DPP10: variants seen among roughly 807,000 people sequenced by gnomAD.
DPP10 encodes inactive dipeptidyl peptidase 10.
A neutral mutation model predicts 120.9 loss-of-function variants in DPP10; 33 were observed. The observed-to-expected ratio is 0.27, with a 90% CI of 0.21 to 0.37. DPP10 has a LOEUF of 0.37. DPP10 is among the 10% of genes least tolerant of loss of function. DPP10 has a pLI of 1.00. For missense variants in DPP10, 816 were observed against 942.8 expected (o/e 0.87, Z 1.76); for synonymous variants, 337 against 326.1 (o/e 1.03, Z -0.36).
chr2:114,476,643 G>A lies in DPP10; in HGVS notation c.60+33805G>A, dbSNP rs185728052. Among the ~76,000 whole-genome samples, 45 of 152,316 alleles carry A rather than the reference G, an allele frequency of 3.0e-4. 1 individual carries two copies. The highest frequency in any genetic ancestry group is 1.1e-3 in the African/African-American group (44 of 41,568). ...TCATTGAATCATATGCCACAGTCCT[G>A]GAAAGTTCAAACAGGAAATAGTGCG... On this transcript the variant is annotated intron_variant, in intron 1 of 25. Transcript: ENST00000410059.
intron 1 of DPP10, among the ~76,000 whole-genome samples, chr2:114,608,442 G>A (rs773910078): frequency 1.8e-4 from 28 of 152,150 alleles, no homozygotes; most frequent in South Asian, 6.2e-4. Flanking sequence ...TTTGCAGCTC[G>A]AGAAAGATGA....
intron 7 of DPP10, among the ~76,000 whole-genome samples, chr2:115,712,544 A>ATATATATATATATATATATATATGTATG (rs1553486154): frequency 1.1e-5 from 1 of 88,474 alleles, no homozygotes; most frequent in African/African-American, 4.4e-5. Flanking sequence ...CCTGAATTAA[A>ATATATATATATATATATATATATGTATG]TATATATATA....
chr2:114,869,896 C>T (rs1393344933), intron 1 of DPP10, among the ~76,000 whole-genome samples: 2 of 152,130 alleles, frequency 1.3e-5, no homozygotes, highest in Non-Finnish European at 2.9e-5. Context: ...GCTGTATGGA[C>T]TTGGGCAACT....
intron 3 of DPP10, among the ~76,000 whole-genome samples, chr2:115,420,037 TTA>T (rs2069795896): frequency 6.6e-6 from 1 of 152,284 alleles, no homozygotes; most frequent in African/African-American, 2.4e-5. Context: ...TTAATGCACT[TTA>T]TATAAAATGC....
In DPP10 at chr2:115,842,234, C is replaced by A. The variant is rs146932611; in HGVS notation, c.2280C>A (p.Asn760Lys). 2 of 1,612,992 alleles carry A rather than the reference C, an allele frequency of 1.2e-6. No individual in the cohort carries two copies. Among genetic ancestry groups the A allele is most frequent in the Non-Finnish European group, 1.7e-6 (2 of 1,179,186 alleles). The part of the protein sequence containing the change: ...TMQVYPDEGH[N>K]VSEKSKYHLY... The stretch of plus-strand genomic sequence containing the variant: ...AGGTCTACCCAGATGAAGGTCATAA[C>A]GTATCTGAGAAGAGCAAGTATCATC... Residue 760 changes from asparagine (N) to lysine (K), a missense_variant, in exon 26 of 26, where the codon AAC becomes AAA. Around this residue, in one of 3 missense-constraint regions of DPP10, gnomAD observed 592 missense variants for 649.0 expected, o/e 0.91. Transcript: ENST00000410059.
At chr2:115,740,135 C>T (rs1400138227) in intron 9 of DPP10, among the ~76,000 whole-genome samples, 4 of 151,896 alleles carry the variant, frequency 2.6e-5, no homozygotes, top group Non-Finnish European at 5.9e-5. Context: ...TTTTGATGCT[C>T]ACTTTTATTT....
intron 1 of DPP10, among the ~76,000 whole-genome samples, chr2:115,104,650 T>G (rs1262603043): frequency 6.6e-6 from 1 of 152,138 alleles, no homozygotes; most frequent in Non-Finnish European, 1.5e-5. Context: ...CAATATAACA[T>G]CAAAAGTACC....
In DPP10 at chr2:114,836,794, G is replaced by A. The variant is rs141913632; in HGVS notation, c.60+393956G>A. On this transcript the variant is annotated intron_variant, in intron 1 of 25. Transcript: ENST00000410059. Reference sequence around the variant, plus strand: ...CCCTACAGCTCCATAAAAGATGGCCGCACCCAAGGGGGCCAATTTAGAGAC... The same window carrying A: ...CCCTACAGCTCCATAAAAGATGGCCACACCCAAGGGGGCCAATTTAGAGAC... 6.2e-3 allele frequency among the ~76,000 whole-genome samples: 950 copies of A among 152,206 alleles called. 7 individuals are homozygous for A. The highest frequency in any genetic ancestry group is 0.021 in the African/African-American group (877 of 41,534).
intron 1 of DPP10, among the ~76,000 whole-genome samples, chr2:114,751,249 T>C (rs1368292387): frequency 6.6e-6 from 1 of 152,252 alleles, no homozygotes; most frequent in Non-Finnish European, 1.5e-5. Context: ...ATAATTTTAA[T>C]AAGTAATCAA....
At chr2:115,668,299 G>T (rs1207956086) in intron 5 of DPP10, among the ~76,000 whole-genome samples, 2 of 151,982 alleles carry the variant, frequency 1.3e-5, no homozygotes, top group Admixed American at 6.6e-5. Context: ...AGATGATTAG[G>T]TCACAAGGGC....
At chr2:115,327,833 AT>A (rs1323277640) in intron 2 of DPP10, among the ~76,000 whole-genome samples, 1 of 152,054 alleles carries the variant, frequency 6.6e-6, no homozygotes, top group Admixed American at 6.6e-5. Context: ...AACTGGGTTT[AT>A]TTTTAAATTG....
intron 5 of DPP10, among the ~76,000 whole-genome samples, chr2:115,659,656 G>C (rs10195709): frequency 6.6e-6 from 1 of 152,184 alleles, no homozygotes; most frequent in Admixed American, 6.5e-5. Flanking sequence ...GGTGTAAAAT[G>C]ATGGCCTTAA....
chr2:115,064,803 A>T lies in DPP10; in HGVS notation c.61-244436A>T, dbSNP rs748811237. 7.7e-6 allele frequency: 10 copies of T among 1,304,222 alleles called. No homozygotes were observed. The South Asian group carries it at 1.2e-4, about 16-fold the overall frequency. The allele number at this position is 1,304,222 out of a possible 1,614,324, so 80.8% of individuals were successfully genotyped here. A position where few individuals can be genotyped will look rare whatever the true frequency, so the allele number is the denominator to read the frequency against. ...TGAGGGACCAGTAGATGGTTCTGAA[A>T]AGGTAAGTGGATGCTACCTAGGTTT... On this transcript the variant is annotated intron_variant, in intron 1 of 25. Coordinates refer to ENST00000410059, the MANE Select transcript of DPP10 (RefSeq NM_020868.6).
chr2:115,301,866 A>G (rs1379365252), intron 1 of DPP10, among the ~76,000 whole-genome samples: 2 of 152,038 alleles, frequency 1.3e-5, no homozygotes, highest in Non-Finnish European at 2.9e-5. Context: ...ACCACACAAT[A>G]TATTAAGGAT....
intron 1 of DPP10, among the ~76,000 whole-genome samples, chr2:114,681,670 C>T (rs1699035741): frequency 6.6e-6 from 1 of 151,928 alleles, no homozygotes; most frequent in Non-Finnish European, 1.5e-5. Flanking sequence ...GAAGAAAATG[C>T]TTTGAAAGAA....
chr2:114,993,411 G>T (rs1700865184), intron 1 of DPP10, among the ~76,000 whole-genome samples: 1 of 150,792 alleles, frequency 6.6e-6, no homozygotes, highest in Non-Finnish European at 1.5e-5. Context: ...GTCATCTAGG[G>T]TTAAGATTTT....
At chr2:115,468,989 A>C (rs1186125399) in intron 3 of DPP10, 1 of 230,914 alleles carries the variant, frequency 4.3e-6, no homozygotes, top group Non-Finnish European at 8.5e-6. Flanking sequence ...GAGACGGAGT[A>C]TCACCCTGTT....
Position 115,275,080 on chromosome 2 carries a change from G to A in DPP10, c.61-34159G>A, listed in dbSNP as rs376817952. On this transcript the variant is annotated intron_variant, in intron 1 of 25. Transcript: ENST00000410059. ...ACCAGCTTTAGGAGAAGCATATATAGAAGTTGTTTCTCGGCTTTCTGGAAT... is the reference window on the plus strand; with the variant it reads ...ACCAGCTTTAGGAGAAGCATATATAAAAGTTGTTTCTCGGCTTTCTGGAAT... Among the ~76,000 whole-genome samples, 8 of 152,318 alleles carry A rather than the reference G, an allele frequency of 5.3e-5. No individual in the cohort carries two copies. In the South Asian group the frequency reaches 1.4e-3, roughly 28 times the overall value.
chr2:115,697,494 G>A (rs1345812718), intron 7 of DPP10, among the ~76,000 whole-genome samples: 1 of 151,778 alleles, frequency 6.6e-6, no homozygotes, highest in Non-Finnish European at 1.5e-5. Flanking sequence ...AATCAATACA[G>A]TAAGAAGATA....
Sources: gnomAD v4.1 joint callset for allele counts (sites outside exome capture counted in the v4.1 genomes callset) on GRCh38, gnomAD v4.1.1 for gene constraint, gnomAD v4.1.1 regional missense constraint, MANE v1.5 for transcripts, NCBI Gene and HGNC (gene_info 2026-07-23, HGNC 2026-07-21) for gene names.